Variants in AAK1 observed in about 807,000 individuals in gnomAD.
The protein encoded by AAK1 is AP2 associated kinase 1, also known as AP2-associated protein kinase 1.
Under a neutral mutation model 116.0 loss-of-function variants are expected in AAK1, and 37 were observed. The ratio of observed to expected loss-of-function variants is 0.32; its 90% CI spans 0.25 to 0.42. The LOEUF (loss-of-function observed/expected upper bound fraction) is 0.42, where lower values mean the gene tolerates loss of function less well. Ranked by LOEUF, AAK1 falls within the 10% of genes least tolerant of loss-of-function variation. The pLI, the probability that AAK1 is intolerant of heterozygous loss-of-function variation, is 1.00. For synonymous variants in AAK1, 458 were observed against 439.9 expected, an observed-to-expected ratio of 1.04 and a Z score of -0.51; for missense variants, 919 against 1,170.6, an observed-to-expected ratio of 0.79 and a Z score of 3.14.
At chr2:69,481,206 G>T in intron 18 of AAK1, 1 of 340,692 alleles carries the variant, frequency 2.9e-6, no homozygotes, top group Non-Finnish European at 5.4e-6. Context: ...GCCAGTCTCA[G>T]GCAAGGTGGA....
chr2:69,634,908 A>G lies in AAK1; in HGVS notation c.163+7970T>C, dbSNP rs1047002266. Among the ~76,000 whole-genome samples, 7 of 152,340 alleles carry G rather than the reference A, an allele frequency of 4.6e-5. No individual in the cohort carries two copies. The South Asian group carries it at 1.0e-3, about 23-fold the overall frequency. On this transcript the variant is annotated intron_variant, in intron 2 of 21. Transcript: ENST00000409085. ...TACAGAACCACTGCTCTAGACTACA[A>G]TGGTCTCAAAACAGTAGTGTACAAG... is the stretch of plus-strand genomic sequence containing the variant.
intron 16 of AAK1, among the ~76,000 whole-genome samples, chr2:69,500,689 A>ATATATATATATATATG (rs1675939183): frequency 8.6e-6 from 1 of 115,942 alleles, no homozygotes; most frequent in African/African-American, 3.7e-5. Flanking sequence ...ATATATATAT[A>ATATATATATATATATG]TATATATATA....
chr2:69,469,113 G>T lies in AAK1; in HGVS notation c.*6756C>A. ...GTAGGAATGGAAAAGTACATTTAAA[G>T]GGTTGTCCTGAGAAGGCCAAGTCCC... On this transcript the variant is annotated 3_prime_UTR_variant, in exon 22 of 22. Coordinates refer to ENST00000409085, the MANE Select transcript of AAK1 (RefSeq NM_014911.5). 1 of 985,378 alleles carries T rather than the reference G, an allele frequency of 1.0e-6. No individual in the cohort carries two copies. Among genetic ancestry groups the T allele is most frequent in the South Asian group, 4.7e-5 (1 of 21,282 alleles). The allele number at this position is 985,378 out of a possible 1,614,324, so 61.0% of individuals were successfully genotyped here.
At chr2:69,528,449 T>C (rs1264200077) in intron 8 of AAK1, among the ~76,000 whole-genome samples, 1 of 152,184 alleles carries the variant, frequency 6.6e-6, no homozygotes, top group Admixed American at 6.5e-5. Flanking sequence ...AGAGTCTGTA[T>C]ATACTATGGT....
At chr2:69,495,288 C>G (rs1675693998) in intron 17 of AAK1, among the ~76,000 whole-genome samples, 1 of 152,194 alleles carries the variant, frequency 6.6e-6, no homozygotes, top group Non-Finnish European at 1.5e-5. Context: ...CATCCAATCA[C>G]TGTTCCAAAA....
At chr2:69,634,117 C>A (rs1451841417) in intron 2 of AAK1, among the ~76,000 whole-genome samples, 3 of 152,204 alleles carry the variant, frequency 2.0e-5, no homozygotes, top group South Asian at 2.1e-4. Flanking sequence ...TTGCAGTGAG[C>A]CAAGATTGTG....
In AAK1 at chr2:69,514,494, G is replaced by A. The variant is rs775940649; in HGVS notation, c.1753C>T (p.Pro585Ser). 6.5e-7 allele frequency: 1 copy of A among 1,548,904 alleles called. No homozygotes were observed. The highest frequency in any genetic ancestry group is 1.2e-5 in the South Asian group (1 of 83,720). The change falls in exon 13 of 22, where the codon CCA (proline) becomes TCA (serine). Residue 585 changes from proline to serine, a missense_variant. Pro to Ser is a moderately conservative substitution (Grantham distance 74, BLOSUM62 -1). Around this residue, in one of 4 missense-constraint regions of AAK1, gnomAD observed 125 missense variants for 184.1 expected, o/e 0.68. Coordinates refer to ENST00000409085, the MANE Select transcript of AAK1 (RefSeq NM_014911.5). ...PQPQPAAAPQ[P>S]APAQEPAIQA... ...ACCGCTGGCTCCTGGGCAGGGGCTG[G>A]CTGTGGGGCTGCAGCTGGCTGTGGC...
intron 3 of AAK1, among the ~76,000 whole-genome samples, chr2:69,547,256 G>A (rs911757423): frequency 5.3e-5 from 8 of 152,140 alleles, no homozygotes; most frequent in Admixed American, 1.3e-4. Context: ...AGCAAAAAGC[G>A]ATAAATTGCA....
intron 17 of AAK1, 119 bp from the exon 18 acceptor site, chr2:69,482,931 C>A: frequency 1.6e-6 from 1 of 635,396 alleles, no homozygotes; most frequent in Non-Finnish European, 2.8e-6. Context: ...TACAGGTTCA[C>A]CATAAAAATG....
chr2:69,547,221 A>T (rs114088767), intron 3 of AAK1, among the ~76,000 whole-genome samples: 1 of 152,230 alleles, frequency 6.6e-6, no homozygotes, highest in Non-Finnish European at 1.5e-5. Flanking sequence ...GTTCTTAGAT[A>T]TGACACTTAA....
intron 2 of AAK1, among the ~76,000 whole-genome samples, chr2:69,628,583 T>C (rs1675018472): frequency 6.6e-6 from 1 of 152,162 alleles, no homozygotes. Context: ...GATTTGATGG[T>C]AGACTTGAAC....
At chr2:69,640,120 T>C (rs529431675) in intron 2 of AAK1, among the ~76,000 whole-genome samples, 1 of 150,630 alleles carries the variant, frequency 6.6e-6, no homozygotes, top group South Asian at 2.1e-4. Flanking sequence ...ACGTTGCTGG[T>C]AAGTAATGGC....
In AAK1 at chr2:69,532,087, T is replaced by C; in HGVS notation, c.610A>G (p.Asn204Asp). 6.2e-7 allele frequency: 1 copy of C among 1,613,740 alleles called. No homozygotes were observed. Among genetic ancestry groups the C allele is most frequent in the Non-Finnish European group, 8.5e-7 (1 of 1,179,666 alleles). Residue 204 changes from asparagine to aspartate, a missense_variant, in exon 6 of 22, where the codon AAT becomes GAT. Around this residue, in one of 4 missense-constraint regions of AAK1, gnomAD observed 317 missense variants for 490.4 expected, o/e 0.65. Transcript: ENST00000409085. ...DFGSATNKFQ[N>D]PQTEGVNAVE... ...GCATTGACTCCCTCAGTTTGTGGATTCTGGAATTTGTTGGTGGCGCTTCCA... is the reference window on the plus strand; with the variant it reads ...GCATTGACTCCCTCAGTTTGTGGATCCTGGAATTTGTTGGTGGCGCTTCCA...
intron 3 of AAK1, among the ~76,000 whole-genome samples, chr2:69,545,818 TG>T (rs1250222599): frequency 6.6e-6 from 1 of 152,010 alleles, no homozygotes; most frequent in East Asian, 1.9e-4. Flanking sequence ...ACAGAACAGA[TG>T]GGATGGTGGT....
At chr2:69,597,445 ATG>A (rs1343883740) in intron 2 of AAK1, 1 of 169,382 alleles carries the variant, frequency 5.9e-6, no homozygotes, top group Non-Finnish European at 1.3e-5. Flanking sequence ...TTTCCTCGTG[ATG>A]TGTTACCTCA....
chr2:69,643,454 G>A (rs1053385677), intron 1 of AAK1, 121 bp downstream of exon 1: 78 of 1,194,760 alleles, frequency 6.5e-5, no homozygotes, highest in Non-Finnish European at 7.8e-5. Context: ...CCCCCGAGCC[G>A]GGAGCTCGGA....
intron 2 of AAK1, among the ~76,000 whole-genome samples, chr2:69,589,636 G>A (rs1672941667): frequency 6.6e-6 from 1 of 151,142 alleles, no homozygotes; most frequent in East Asian, 1.9e-4. Flanking sequence ...TTGAACCCGG[G>A]AGGCGGAGGT....
chr2:69,473,663 T>A lies in AAK1; in HGVS notation c.*2206A>T. 6.2e-6 allele frequency: 6 copies of A among 971,684 alleles called. No individual in the cohort carries two copies. Among genetic ancestry groups the A allele is most frequent in the Non-Finnish European group, 7.3e-6 (6 of 817,076 alleles). The allele number at this position is 971,684 out of a possible 1,614,324, so 60.2% of individuals were successfully genotyped here. ...GAACAATTTAGAGATACCTAATTTC[T>A]AAACTGTACTCTTCATAGTTTCAAT... On this transcript the variant is annotated 3_prime_UTR_variant, in exon 22 of 22. Transcript: ENST00000409085.
intron 10 of AAK1, 25 bp downstream of exon 10, chr2:69,525,008 A>G (rs1558934924): frequency 6.2e-7 from 1 of 1,605,376 alleles, no homozygotes; most frequent in East Asian, 2.2e-5. Context: ...CAAGGAGGAC[A>G]TGTGTTCATG....
Sources: gnomAD v4.1 joint callset for allele counts (sites outside exome capture counted in the v4.1 genomes callset) on GRCh38, gnomAD v4.1.1 for gene constraint, gnomAD v4.1.1 regional missense constraint, MANE v1.5 for transcripts, NCBI Gene and HGNC (gene_info 2026-07-23, HGNC 2026-07-21) for gene names.